The following PTPRE variants were observed in gnomAD, a reference collection of about 807,000 sequenced individuals.
PTPRE encodes receptor-type tyrosine-protein phosphatase epsilon.
PTPRE carries 51 observed loss-of-function variants against 102.0 expected under a neutral mutation model. The ratio of observed to expected loss-of-function variants is 0.50; its 90% confidence interval spans 0.40 to 0.63. The LOEUF is 0.63. Among genes scored for constraint, PTPRE ranks in the 30% least tolerant of loss-of-function variants. PTPRE has a pLI of 0.00. For missense variants in PTPRE, 752 were observed against 915.1 expected (o/e 0.82, Z 2.30); for synonymous variants, 345 against 348.2 (o/e 0.99, Z 0.10).
rs1016575173 is a variant in PTPRE at position 128,068,251 on chromosome 10, C to A, written c.972C>A (p.Asn324Lys). 1 of 1,614,024 alleles carries A rather than the reference C, an allele frequency of 6.2e-7. No homozygotes were observed. Among genetic ancestry groups the A allele is most frequent in the African/African-American group, 1.3e-5 (1 of 74,944 alleles). Residue 324 changes from asparagine (N) to lysine (K), a missense_variant, in exon 12 of 21, where the codon AAC becomes AAA. Physicochemically the swap from Asn to Lys is moderately conservative, Grantham distance 94. Around this residue, in one of 2 missense-constraint regions of PTPRE, gnomAD observed 636 missense variants for 824.4 expected, o/e 0.77. Coordinates refer to ENST00000254667, the MANE Select transcript of PTPRE (RefSeq NM_006504.6). ...LKFLKKVKTL[N>K]PVHAGPIVVH... is the part of the protein sequence containing the mutation. The stretch of plus-strand genomic sequence containing the variant: ...TCCTCAAGAAAGTAAAGACGCTCAA[C>A]CCCGTGCACGCTGGGCCCATCGTGG...
chr10:127,953,388 C>T (rs1043119621), intron 1 of PTPRE, among the ~76,000 whole-genome samples: 2 of 152,218 alleles, frequency 1.3e-5, no homozygotes, highest in Non-Finnish European at 2.9e-5. Context: ...AGAGACAACT[C>T]TTGGCCTGCT....
At chr10:128,014,870 G>A (rs571556263) in intron 2 of PTPRE, among the ~76,000 whole-genome samples, 117 of 152,196 alleles carry the variant, frequency 7.7e-4, no homozygotes, top group African/African-American at 2.7e-3. Context: ...CTGGTAGGAA[G>A]GAGACAGTGG....
intron 3 of PTPRE, among the ~76,000 whole-genome samples, chr10:128,045,132 T>C (rs1044333395): frequency 6.6e-5 from 10 of 152,228 alleles, no homozygotes; most frequent in Admixed American, 5.2e-4. Flanking sequence ...TCTGGCCTCC[T>C]GAACAGAGGT....
chr10:128,073,547 GTCCC>G, intron 17 of PTPRE, 76 bp downstream of exon 17: 1 of 1,516,164 alleles, frequency 6.6e-7, no homozygotes, highest in Non-Finnish European at 8.9e-7. Context: ...CATTACAAAT[GTCCC>G]ACCTGCCATC....
chr10:128,021,689 C>T (rs1225279120), intron 2 of PTPRE, among the ~76,000 whole-genome samples: 1 of 152,244 alleles, frequency 6.6e-6, no homozygotes, highest in Non-Finnish European at 1.5e-5. Context: ...CAGTCAGAGA[C>T]AGCGCCTGCT....
At chr10:127,931,942 C>A (rs915900661) in intron 1 of PTPRE, among the ~76,000 whole-genome samples, 1 of 152,126 alleles carries the variant, frequency 6.6e-6, no homozygotes, top group African/African-American at 2.4e-5. Flanking sequence ...TTTTAAAAGA[C>A]TTTTGTGGAC....
chr10:128,046,252 G>A (rs1306333912), intron 3 of PTPRE, among the ~76,000 whole-genome samples: 1 of 152,206 alleles, frequency 6.6e-6, no homozygotes, highest in African/African-American at 2.4e-5. Flanking sequence ...GAATCCAGAT[G>A]AGGGGTGTGA....
At chr10:127,919,622 T>C (rs1846452106) in intron 1 of PTPRE, among the ~76,000 whole-genome samples, 1 of 152,208 alleles carries the variant, frequency 6.6e-6, no homozygotes, top group African/African-American at 2.4e-5. Flanking sequence ...TTCATCTGTT[T>C]AGACAGAAGT....
intron 1 of PTPRE, among the ~76,000 whole-genome samples, chr10:127,961,870 C>G (rs1398524859): frequency 6.6e-6 from 1 of 152,086 alleles, no homozygotes; most frequent in Non-Finnish European, 1.5e-5. Context: ...CCCTGGGGTA[C>G]TCCCCAGGTG....
chr10:128,027,703 G>A (rs373825753), intron 2 of PTPRE, among the ~76,000 whole-genome samples: 3 of 152,182 alleles, frequency 2.0e-5, no homozygotes, highest in East Asian at 1.9e-4. Flanking sequence ...TTATTTCTCC[G>A]TGCATGAATG....
intron 15 of PTPRE, 22 bp from the exon 16 acceptor site, chr10:128,072,116 A>G (rs752665329): frequency 1.2e-6 from 2 of 1,608,512 alleles, no homozygotes; most frequent in Admixed American, 1.7e-5. Context: ...TGTAATAACT[A>G]AAGGAAGATA....
intron 2 of PTPRE, among the ~76,000 whole-genome samples, chr10:127,991,061 G>T (rs1288536789): frequency 3.9e-5 from 6 of 152,290 alleles, no homozygotes; most frequent in African/African-American, 1.4e-4. Flanking sequence ...CACTGGGAAG[G>T]TGAACCACTT....
rs146802954 is a variant in PTPRE at position 128,069,707 on chromosome 10, G to A, written c.1023G>A (p.Arg341=). The stretch of plus-strand genomic sequence containing the variant: ...TTCCCCAAAGCGCGGGCGTGGGCCG[G>A]ACGGGCACCTTCATTGTGATCGATG... ...IVVHCSAGVG[R]TGTFIVIDAM... is the part of the protein sequence containing the mutation. Residue 341 remains arginine (R), a synonymous_variant, in exon 13 of 21, where the codon CGG becomes CGA. Coordinates refer to ENST00000254667, the MANE Select transcript of PTPRE (RefSeq NM_006504.6). The A allele has an allele frequency of 5.0e-6, 8 of 1,614,072 alleles. No homozygotes were observed. The highest frequency in any genetic ancestry group is 2.2e-5 in the East Asian group (1 of 44,880).
intron 19 of PTPRE, among the ~76,000 whole-genome samples, chr10:128,078,712 T>G (rs1022148397): frequency 6.6e-6 from 1 of 152,244 alleles, no homozygotes; most frequent in Non-Finnish European, 1.5e-5. Flanking sequence ...TTGGTTTTCC[T>G]GGTGCCTTCC....
Position 128,068,197 on chromosome 10 carries a change from G to A in PTPRE, c.918G>A (p.Val306=). The A allele has an allele frequency of 1.2e-6, 2 of 1,614,156 alleles. No homozygotes were observed. Among genetic ancestry groups the A allele is most frequent in the South Asian group, 2.2e-5 (2 of 91,086 alleles). The change falls in exon 12 of 21, where the codon GTG becomes GTA. Residue 306 remains valine, a synonymous_variant. Transcript: ENST00000254667. ...TCACCAGCTGGCCCGACTTCGGAGTGCCTTTTACCCCCATTGGGATGCTGA... is the reference window on the plus strand; with the variant it reads ...TCACCAGCTGGCCCGACTTCGGAGTACCTTTTACCCCCATTGGGATGCTGA... ...LHFTSWPDFG[V]PFTPIGMLKF... is the part of the protein sequence containing the mutation.
chr10:128,012,246 C>T (rs957557533), intron 2 of PTPRE, among the ~76,000 whole-genome samples: 2 of 152,190 alleles, frequency 1.3e-5, no homozygotes, highest in African/African-American at 4.8e-5. Context: ...CCTCCTGGAG[C>T]CTCCCAATGC....
intron 2 of PTPRE, among the ~76,000 whole-genome samples, chr10:128,023,771 T>C (rs796108343): frequency 4.6e-5 from 7 of 152,302 alleles, no homozygotes; most frequent in African/African-American, 1.7e-4. Flanking sequence ...GTGTCCTTGG[T>C]GTCTGTGAAT....
intron 20 of PTPRE, among the ~76,000 whole-genome samples, chr10:128,080,718 ATGT>A (rs1483293021): frequency 3.9e-5 from 6 of 152,114 alleles, no homozygotes; most frequent in Non-Finnish European, 8.8e-5. Flanking sequence ...CTGCCCTCAG[ATGT>A]TGTGTGGCTG....
chr10:127,910,722 G>A (rs988005701), intron 1 of PTPRE, among the ~76,000 whole-genome samples: 1 of 152,176 alleles, frequency 6.6e-6, no homozygotes, highest in Non-Finnish European at 1.5e-5. Flanking sequence ...CGCTTGGCTG[G>A]TATGCAGTAA....
Sources: allele counts gnomAD v4.1 joint callset (sites outside exome capture counted in the v4.1 genomes callset), GRCh38; gene constraint gnomAD v4.1.1; regional missense constraint gnomAD v4.1.1; transcripts MANE v1.5; gene names NCBI Gene and HGNC (gene_info 2026-07-23, HGNC 2026-07-21).